NTM: variants seen among roughly 807,000 people sequenced by gnomAD.
NTM encodes the protein IgLON family member 2.
Under a neutral mutation model 42.1 loss-of-function variants are expected in NTM, and 13 were observed. The observed-to-expected ratio is 0.31, with a 90% CI of 0.20 to 0.49. NTM has a LOEUF of 0.49. Ranked by LOEUF, NTM falls within the 20% of genes least tolerant of loss-of-function variation. The probability of loss-of-function intolerance (pLI) is 0.99; values close to 1 mark genes in which losing one functional copy is unlikely to be tolerated. For synonymous variants in NTM, 187 were observed against 179.2 expected (o/e 1.04, Z -0.35); for missense variants, 373 against 452.8 (o/e 0.82, Z 1.60).
At chr11:131,625,346 C>A (rs2062994935) in intron 1 of NTM, among the ~76,000 whole-genome samples, 1 of 152,132 alleles carries the variant, frequency 6.6e-6, no homozygotes, top group Non-Finnish European at 1.5e-5. Context: ...TGTTCCATTT[C>A]TGAAAAGTGG....
intron 4 of NTM, among the ~76,000 whole-genome samples, chr11:132,257,514 A>G (rs1008896821): frequency 1.3e-5 from 2 of 152,146 alleles, no homozygotes; most frequent in African/African-American, 4.8e-5. Context: ...ACAGAGGGAA[A>G]TGCAGGCCTC....
At chr11:132,077,774 AT>A (rs989391957) in intron 2 of NTM, among the ~76,000 whole-genome samples, 1 of 152,186 alleles carries the variant, frequency 6.6e-6, no homozygotes, top group African/African-American at 2.4e-5. Context: ...AACAAACTTT[AT>A]TTTTTGGTAG....
At chr11:131,882,964 CTG>C (rs1335396532) in intron 1 of NTM, among the ~76,000 whole-genome samples, 1 of 152,034 alleles carries the variant, frequency 6.6e-6, no homozygotes, top group Non-Finnish European at 1.5e-5. Context: ...AAAGATCAGG[CTG>C]TGCAAAAAGC....
At chr11:131,597,812 T>G (rs1211925784) in intron 1 of NTM, among the ~76,000 whole-genome samples, 1 of 152,196 alleles carries the variant, frequency 6.6e-6, no homozygotes, top group Non-Finnish European at 1.5e-5. Context: ...CTTGTTATCT[T>G]TATTATCTTT....
At chr11:131,692,846 T>C (rs755692001) in intron 1 of NTM, among the ~76,000 whole-genome samples, 6 of 152,212 alleles carry the variant, frequency 3.9e-5, no homozygotes, top group South Asian at 2.1e-4. Context: ...GATTGCCTAG[T>C]GATTCCAGGA....
intron 4 of NTM, among the ~76,000 whole-genome samples, chr11:132,231,213 C>A (rs3133888): frequency 0.37 from 56,110 of 151,996 alleles, 10,746 homozygotes; most frequent in Middle Eastern, 0.54. Context: ...ATCTTCAAGA[C>A]CTTTTCACAA....
chr11:131,880,779 A>T (rs982236060), intron 1 of NTM, among the ~76,000 whole-genome samples: 2 of 151,916 alleles, frequency 1.3e-5, no homozygotes, highest in African/African-American at 4.9e-5. Context: ...GGCACCTGGA[A>T]GGATAAATTC....
intron 1 of NTM, among the ~76,000 whole-genome samples, chr11:131,677,829 C>T (rs1038937964): frequency 6.6e-6 from 1 of 152,206 alleles, no homozygotes; most frequent in East Asian, 1.9e-4. Flanking sequence ...GCATCCTTGT[C>T]CCCTCCACTC....
In NTM at chr11:132,335,329, A is replaced by C. The variant is rs143894560; in HGVS notation, c.*183A>C. The C allele has an allele frequency of 1.2e-3, 778 of 668,226 alleles. 1 individual carries two copies. Among genetic ancestry groups the C allele is most frequent in the African/African-American group, 8.1e-3 (445 of 54,684 alleles). The allele number at this position is 668,226 out of a possible 1,614,324, so 41.4% of individuals were successfully genotyped here. A position where few individuals can be genotyped will look rare whatever the true frequency, so the allele number is the denominator to read the frequency against. On this transcript the variant is annotated 3_prime_UTR_variant, in exon 9 of 9. Coordinates refer to ENST00000683400, the MANE Select transcript of NTM (RefSeq NM_001352005.2). ...ATACTTTGGGGGGAAAAAAGTTTTA[A>C]AAAAGAAATTGAAAATTGCCTTGCA...
At chr11:132,137,632 T>C (rs2068206659) in intron 2 of NTM, among the ~76,000 whole-genome samples, 1 of 152,014 alleles carries the variant, frequency 6.6e-6, no homozygotes, top group South Asian at 2.1e-4. Context: ...AGGAAAACTG[T>C]AAGGGACAGT....
intron 1 of NTM, chr11:131,605,641 C>A: frequency 5.0e-6 from 1 of 199,772 alleles, no homozygotes; most frequent in Non-Finnish European, 9.0e-6. Context: ...ACGTTTTACT[C>A]TCTCCCCAGT....
intron 1 of NTM, among the ~76,000 whole-genome samples, chr11:131,699,738 G>T (rs1285956878): frequency 6.6e-6 from 1 of 152,058 alleles, no homozygotes; most frequent in Non-Finnish European, 1.5e-5. Flanking sequence ...GGGGGGAAAA[G>T]TCCCTTATAA....
intron 7 of NTM, among the ~76,000 whole-genome samples, chr11:132,326,766 G>A (rs1024216625): frequency 7.9e-5 from 12 of 152,138 alleles, no homozygotes; most frequent in African/African-American, 2.9e-4. Flanking sequence ...CTTGCACCTG[G>A]GCTCATTTAC....
chr11:131,540,058 G>C (rs2052965167), intron 1 of NTM, among the ~76,000 whole-genome samples: 1 of 151,928 alleles, frequency 6.6e-6, no homozygotes, highest in Admixed American at 6.6e-5. Flanking sequence ...ACATGCTGTG[G>C]AGTCCCTTAA....
At chr11:132,043,152 T>G (rs2077430496) in intron 2 of NTM, among the ~76,000 whole-genome samples, 1 of 152,192 alleles carries the variant, frequency 6.6e-6, no homozygotes, top group Non-Finnish European at 1.5e-5. Context: ...CATTGCTTTT[T>G]GGTCGTAGCT....
At chr11:132,125,800 C>G (rs910658782) in intron 2 of NTM, among the ~76,000 whole-genome samples, 143 of 1,578 alleles carry the variant, frequency 0.091, no homozygotes, top group Admixed American at 0.15. Flanking sequence ...TGTTGTGTAT[C>G]TGTGTGTGCT....
chr11:132,319,159 G>A (rs2095502879), intron 7 of NTM, among the ~76,000 whole-genome samples: 1 of 152,198 alleles, frequency 6.6e-6, no homozygotes, highest in Non-Finnish European at 1.5e-5. Context: ...TGGCCGAATA[G>A]GAACAGCTCC....
chr11:132,302,921 T>A (rs1473337605), intron 4 of NTM, among the ~76,000 whole-genome samples: 3 of 152,212 alleles, frequency 2.0e-5, no homozygotes. Context: ...CCTAGGAAGA[T>A]TATGCAAGCA....
chr11:131,692,581 A>G (rs970833008), intron 1 of NTM, among the ~76,000 whole-genome samples: 4 of 152,270 alleles, frequency 2.6e-5, no homozygotes, highest in Admixed American at 1.3e-4. Flanking sequence ...GAGAGTAGAC[A>G]GAGGAAAGAG....
Sources: gnomAD v4.1 joint callset for allele counts (sites outside exome capture counted in the v4.1 genomes callset) on GRCh38, gnomAD v4.1.1 for gene constraint, MANE v1.5 for transcripts, NCBI Gene and HGNC (gene_info 2026-07-23, HGNC 2026-07-21) for gene names.